The following NFIL3 variants were observed in gnomAD, a reference collection of about 807,000 sequenced individuals.
NFIL3 encodes nuclear factor interleukin-3-regulated protein.
NFIL3 carries 5 observed loss-of-function variants against 10.0 expected under a neutral mutation model. The ratio of observed to expected loss-of-function variants is 0.50; its 90% CI spans 0.26 to 1.06. The LOEUF (loss-of-function observed/expected upper bound fraction) is 1.06, where lower values mean the gene tolerates loss of function less well. NFIL3 is among the 50% of genes least tolerant of loss of function. NFIL3 has a pLI of 0.13. For synonymous variants in NFIL3, 202 were observed against 206.5 expected (o/e 0.98, Z 0.19); for missense variants, 436 against 547.6 (o/e 0.80, Z 2.03).
At position 91,410,594 on chromosome 9, in the gene NFIL3, G is replaced by A. The variant is rs747399318; in HGVS notation, c.141C>T (p.Leu47=). The A allele has an allele frequency of 1.2e-5, 20 of 1,614,022 alleles. No homozygotes were observed. Among genetic ancestry groups the A allele is most frequent in the Non-Finnish European group, 1.7e-5 (20 of 1,180,036 alleles). The change falls in exon 2 of 2, where the codon CTC becomes CTT. Residue 47 remains leucine, a synonymous_variant. Transcript: ENST00000297689. The surrounding 1 kb of genome is among the most constrained non-coding windows in gnomAD (Gnocchi z 5.7). ...EDSTTGEELL[L]SEGSVGKNKS... ...TGTTCTTCCCCACACTTCCTTCACTGAGAAGCAGCTCCTCACCTGTTGTGG... is the reference window on the plus strand; with the variant it reads ...TGTTCTTCCCCACACTTCCTTCACTAAGAAGCAGCTCCTCACCTGTTGTGG...
intron 1 of NFIL3, among the ~76,000 whole-genome samples, chr9:91,419,581 C>T (rs1392876695): frequency 6.6e-6 from 1 of 152,200 alleles, no homozygotes; most frequent in African/African-American, 2.4e-5. Flanking sequence ...CAAATTTCCC[C>T]ATCTGGTTTT....
chr9:91,425,148 G>T (rs546089923), upstream of NFIL3, among the ~76,000 whole-genome samples: 29 of 152,292 alleles, frequency 1.9e-4, 1 homozygote, highest in South Asian at 3.1e-3. Context: ...CTTGAACTAC[G>T]TGGGGGCTGG....
the NFIL3 span, among the ~76,000 whole-genome samples, chr9:91,462,458 T>A: frequency 1.3e-5 from 2 of 152,170 alleles, no homozygotes; most frequent in Admixed American, 6.5e-5. Context: ...AATATGATCA[T>A]GTGCTTTTTG....
chr9:91,449,204 T>G, the NFIL3 span, among the ~76,000 whole-genome samples: 1 of 152,190 alleles, frequency 6.6e-6, no homozygotes, highest in Non-Finnish European at 1.5e-5. Context: ...TTTTTTTTAT[T>G]GTCTAATTGC....
At chr9:91,478,787 C>A in the NFIL3 span, among the ~76,000 whole-genome samples, 1 of 152,098 alleles carries the variant, frequency 6.6e-6, no homozygotes, top group African/African-American at 2.4e-5. Context: ...GATTTACCTA[C>A]CTTTGGTCTT....
chr9:91,417,645 G>A (rs556661974), intron 1 of NFIL3, among the ~76,000 whole-genome samples: 56 of 152,236 alleles, frequency 3.7e-4, no homozygotes, highest in African/African-American at 1.2e-3. Flanking sequence ...AGAAAACACC[G>A]AAGTTGCAAG....
At chr9:91,430,579 A>G in the NFIL3 span, among the ~76,000 whole-genome samples, 1 of 152,204 alleles carries the variant, frequency 6.6e-6, no homozygotes, top group Non-Finnish European at 1.5e-5. Context: ...GGAGACCCAC[A>G]TTCCATTGAA....
the NFIL3 span, among the ~76,000 whole-genome samples, chr9:91,445,330 G>A: frequency 2.6e-5 from 4 of 152,222 alleles, no homozygotes; most frequent in East Asian, 5.8e-4. Context: ...CCCAGGCTCT[G>A]TGAGGCCAGT....
chr9:91,472,872 G>A, the NFIL3 span, among the ~76,000 whole-genome samples: 11 of 152,284 alleles, frequency 7.2e-5, no homozygotes, highest in South Asian at 8.3e-4. Context: ...TGATGGTGAC[G>A]TACAGATGGG....
chr9:91,424,409 C>G (rs923106521), upstream of NFIL3, among the ~76,000 whole-genome samples: 3 of 152,204 alleles, frequency 2.0e-5, no homozygotes, highest in Admixed American at 2.0e-4. Flanking sequence ...AGCCCTCTAC[C>G]TTGGGGTGGG....
the NFIL3 span, among the ~76,000 whole-genome samples, chr9:91,470,922 G>A: frequency 6.6e-6 from 1 of 152,174 alleles, no homozygotes; most frequent in African/African-American, 2.4e-5. Context: ...CATTTGCTGA[G>A]GAGTGCTTTA....
the NFIL3 span, among the ~76,000 whole-genome samples, chr9:91,449,301 T>G: frequency 6.6e-6 from 1 of 152,158 alleles, no homozygotes; most frequent in African/African-American, 2.4e-5. Flanking sequence ...ATGAAGAATT[T>G]TAGTTTTTTG....
chr9:91,472,863 G>A, the NFIL3 span, among the ~76,000 whole-genome samples: 1 of 152,190 alleles, frequency 6.6e-6, no homozygotes, highest in African/African-American at 2.4e-5. Context: ...GGTCTTTGAT[G>A]ATGGTGACGT....
chr9:91,438,220 G>A, the NFIL3 span, among the ~76,000 whole-genome samples: 1 of 152,078 alleles, frequency 6.6e-6, no homozygotes, highest in Non-Finnish European at 1.5e-5. Context: ...GTGTGAGGTC[G>A]TATCTCATTG....
the NFIL3 span, among the ~76,000 whole-genome samples, chr9:91,471,795 G>A: frequency 7.2e-5 from 11 of 152,208 alleles, no homozygotes; most frequent in East Asian, 1.2e-3. Context: ...TTTCTTCCTA[G>A]CATCAATGGT....
chr9:91,476,153 C>T, the NFIL3 span, among the ~76,000 whole-genome samples: 1 of 152,214 alleles, frequency 6.6e-6, no homozygotes, highest in Non-Finnish European at 1.5e-5. Flanking sequence ...CCTCATTCTA[C>T]AAGACTAGGA....
In NFIL3 at chr9:91,410,325, T is replaced by G. The variant is rs1219928640; in HGVS notation, c.410A>C (p.Glu137Ala). ...GLISSTAYAQEIQKLSNSTAV... is the reference protein window; with the variant it reads ...GLISSTAYAQAIQKLSNSTAV... Reference sequence around the variant, plus strand: ...TGTAGAATTACTGAGTTTCTGAATCTCTTGAGCATATGCTGTGGAGCTAAT... The same window carrying G: ...TGTAGAATTACTGAGTTTCTGAATCGCTTGAGCATATGCTGTGGAGCTAAT... Residue 137 changes from glutamate to alanine, a missense_variant, in exon 2 of 2, where the codon GAG (glutamate) becomes GCG (alanine). Coordinates refer to ENST00000297689, the MANE Select transcript of NFIL3 (RefSeq NM_005384.3). The surrounding 1 kb of genome is among the most constrained non-coding windows in gnomAD (Gnocchi z 5.7). 6.2e-7 allele frequency: 1 copy of G among 1,614,254 alleles called. No homozygotes were observed. The highest frequency in any genetic ancestry group is 8.5e-7 in the Non-Finnish European group (1 of 1,180,050).
the NFIL3 span, among the ~76,000 whole-genome samples, chr9:91,475,013 T>G: frequency 2.6e-5 from 4 of 152,228 alleles, no homozygotes; most frequent in African/African-American, 9.6e-5. Flanking sequence ...CTTCTTGCCC[T>G]GTGAGACCTA....
At chr9:91,447,028 C>A in the NFIL3 span, among the ~76,000 whole-genome samples, 1 of 152,124 alleles carries the variant, frequency 6.6e-6, no homozygotes, top group Admixed American at 6.6e-5. Flanking sequence ...GTTGGCCAAG[C>A]TGGTCTTAAA....
Sources: gnomAD v4.1 joint callset for allele counts (sites outside exome capture counted in the v4.1 genomes callset) on GRCh38, gnomAD v4.1.1 for gene constraint, Gnocchi (gnomAD v3.1) non-coding constraint, MANE v1.5 for transcripts, NCBI Gene and HGNC (gene_info 2026-07-23, HGNC 2026-07-21) for gene names.